Variants in PDS5B observed in about 807,000 individuals in gnomAD.
PDS5B encodes the protein sister chromatid cohesion protein PDS5 homolog B.
In PDS5B, 51 loss-of-function variants were observed where a neutral mutation model predicts 184.1. That is an observed-to-expected ratio of 0.28 (90% CI 0.22 to 0.35). PDS5B has a LOEUF of 0.35. Ranked by LOEUF, PDS5B falls within the 10% of genes least tolerant of loss-of-function variation. PDS5B has a pLI of 1.00. For synonymous variants in PDS5B, 566 were observed against 569.2 expected (o/e 0.99, Z 0.08); for missense variants, 1,180 against 1,723.3 (o/e 0.68, Z 5.58).
At position 32,760,863 on chromosome 13, in the gene PDS5B, AC is replaced by A. The variant is rs1954370656; in HGVS notation, c.3518+144del. The A allele has an allele frequency of 1.9e-5, 15 of 770,722 alleles. No homozygotes were observed. The South Asian group carries it at 2.9e-4, about 15-fold the overall frequency. The allele number at this position is 770,722 out of a possible 1,614,324, so 47.7% of individuals were successfully genotyped here. On this transcript the variant is annotated intron_variant, in intron 30 of 34. Coordinates refer to ENST00000315596, the MANE Select transcript of PDS5B (RefSeq NM_015032.4). ...ATTTTTCCATTTAACATTGGTAGTCACAAGTTCATACTTATTTGCTTGCTCA... is the reference window on the plus strand; with the variant it reads ...ATTTTTCCATTTAACATTGGTAGTCAAAGTTCATACTTATTTGCTTGCTCA...
At position 32,760,579 on chromosome 13, in the gene PDS5B, A is replaced by G. The variant is rs1954353876; in HGVS notation, c.3377A>G (p.Lys1126Arg). ...MKSFFTPGKPKTTNVLGAVNK... is the reference protein window; with the variant it reads ...MKSFFTPGKPRTTNVLGAVNK... ...GATGTGCATTTCTCATTTCAGCCTA[A>G]AACAACCAATGTTCTAGGAGCTGTT... Residue 1126 changes from lysine to arginine, a missense_variant, in exon 30 of 35, where the codon AAA becomes AGA. Transcript: ENST00000315596. The G allele has an allele frequency of 6.2e-7, 1 of 1,613,430 alleles. No individual in the cohort carries two copies. Among genetic ancestry groups the G allele is most frequent in the Non-Finnish European group, 8.5e-7 (1 of 1,179,788 alleles).
At chr13:32,681,582 C>T (rs561838703) in intron 10 of PDS5B, among the ~76,000 whole-genome samples, 32 of 151,358 alleles carry the variant, frequency 2.1e-4, no homozygotes, top group East Asian at 7.8e-4. Flanking sequence ...CGAGAGATCG[C>T]GCCACTGCAC....
intron 31 of PDS5B, among the ~76,000 whole-genome samples, chr13:32,769,266 T>A (rs1022136086): frequency 1.3e-5 from 2 of 152,184 alleles, no homozygotes; most frequent in African/African-American, 2.4e-5. Flanking sequence ...ATACGAAGGA[T>A]GTAATTAGGC....
chr13:32,680,672 C>T (rs1310152844), intron 10 of PDS5B, among the ~76,000 whole-genome samples: 1 of 152,198 alleles, frequency 6.6e-6, no homozygotes, highest in Non-Finnish European at 1.5e-5. Flanking sequence ...ATGGATTTCT[C>T]AAACAGCCTT....
intron 12 of PDS5B, among the ~76,000 whole-genome samples, chr13:32,687,835 G>A (rs145220243): frequency 1.3e-5 from 2 of 152,188 alleles, no homozygotes; most frequent in East Asian, 3.9e-4. Context: ...TAGGTTATTA[G>A]TGGAGACCAA....
chr13:32,690,158 G>A (rs1951508428), intron 13 of PDS5B: 1 of 152,160 alleles, frequency 6.6e-6, no homozygotes, highest in Admixed American at 6.5e-5. Flanking sequence ...TTTGCAAGGG[G>A]TGGGAGTGTG....
intron 1 of PDS5B, among the ~76,000 whole-genome samples, chr13:32,635,312 A>C (rs1377642194): frequency 1.4e-5 from 2 of 140,988 alleles, no homozygotes; most frequent in Non-Finnish European, 3.0e-5. Flanking sequence ...TGCTGGGATT[A>C]CAGGTGTGAG....
At chr13:32,771,256 TC>T (rs763046671) in intron 33 of PDS5B, among the ~76,000 whole-genome samples, 17 of 152,318 alleles carry the variant, frequency 1.1e-4, no homozygotes, top group Non-Finnish European at 2.2e-4. Context: ...GTGTTTGATA[TC>T]TTGATTTTGT....
intron 6 of PDS5B, among the ~76,000 whole-genome samples, chr13:32,660,754 G>A (rs1010382432): frequency 2.0e-5 from 3 of 152,154 alleles, no homozygotes; most frequent in African/African-American, 7.2e-5. Context: ...TGTAGGGAGA[G>A]GACCTGTAGG....
chr13:32,741,105 T>G lies in PDS5B; in HGVS notation c.2432T>G (p.Leu811Arg). 1.3e-6 allele frequency: 2 copies of G among 1,573,416 alleles called. No homozygotes were observed. The highest frequency in any genetic ancestry group is 1.7e-6 in the Non-Finnish European group (2 of 1,147,764). ...DRLPGKKTTKLWVPDEEVSPE... is the reference protein window; with the variant it reads ...DRLPGKKTTKRWVPDEEVSPE... ...CTTCCAGGGAAAAAGACAACTAAAC[T>G]TTGGGTTCCAGATGAAGAAGTATCT... Residue 811 changes from leucine (L) to arginine (R), a missense_variant, in exon 22 of 35, where the codon CTT (leucine) becomes CGT (arginine). Leu to Arg is a moderately radical substitution (Grantham distance 102). Transcript: ENST00000315596.
At chr13:32,625,864 G>T (rs1401061786) in intron 1 of PDS5B, among the ~76,000 whole-genome samples, 3 of 147,756 alleles carry the variant, frequency 2.0e-5, no homozygotes, top group East Asian at 3.9e-4. Context: ...TTGAGACAGG[G>T]TCTCGCTTTG....
At chr13:32,767,710 CTG>C (rs1394257850) in intron 31 of PDS5B, among the ~76,000 whole-genome samples, 1 of 151,946 alleles carries the variant, frequency 6.6e-6, no homozygotes, top group Non-Finnish European at 1.5e-5. Context: ...AATCTCAAAA[CTG>C]GAAGACTTGA....
intron 6 of PDS5B, 151 bp downstream of exon 6, chr13:32,659,431 T>C (rs1043043710): frequency 1.3e-5 from 6 of 462,212 alleles, no homozygotes; most frequent in African/African-American, 1.2e-4. Flanking sequence ...TTGTGATTAA[T>C]GTGTAATAAA....
At chr13:32,640,477 C>T (rs1230875284) in intron 1 of PDS5B, among the ~76,000 whole-genome samples, 3 of 152,116 alleles carry the variant, frequency 2.0e-5, no homozygotes, top group Non-Finnish European at 4.4e-5. Context: ...AAACTCCTGA[C>T]CTCAGGTGAT....
chr13:32,601,260 A>C (rs1451798797), intron 1 of PDS5B, among the ~76,000 whole-genome samples: 1 of 152,206 alleles, frequency 6.6e-6, no homozygotes, highest in Non-Finnish European at 1.5e-5. Context: ...AGATTATTTC[A>C]GTGAGTTTGC....
chr13:32,655,370 ATATATTTTT>A (rs1467783039), intron 3 of PDS5B, among the ~76,000 whole-genome samples: 1 of 26,924 alleles, frequency 3.7e-5, no homozygotes, highest in African/African-American at 1.7e-4. Flanking sequence ...ATATATATAT[ATATATTTTT>A]TTTTTTTTTT....
intron 1 of PDS5B, among the ~76,000 whole-genome samples, chr13:32,596,936 C>T (rs930510572): frequency 6.6e-6 from 1 of 151,826 alleles, no homozygotes; most frequent in Non-Finnish European, 1.5e-5. Context: ...TTGTAGCTTG[C>T]CTTATCTTTT....
intron 1 of PDS5B, among the ~76,000 whole-genome samples, chr13:32,600,928 A>C (rs1265524422): frequency 6.6e-6 from 1 of 152,128 alleles, no homozygotes; most frequent in African/African-American, 2.4e-5. Flanking sequence ...ATCAGCAAAT[A>C]ATTTGAAGGA....
chr13:32,722,427 A>G (rs1199202878), intron 19 of PDS5B, among the ~76,000 whole-genome samples: 1 of 152,174 alleles, frequency 6.6e-6, no homozygotes, highest in Non-Finnish European at 1.5e-5. Flanking sequence ...TTCTATGTTT[A>G]GATATACAGA....
Sources: allele counts gnomAD v4.1 joint callset (sites outside exome capture counted in the v4.1 genomes callset), GRCh38; gene constraint gnomAD v4.1.1; transcripts MANE v1.5; gene names NCBI Gene and HGNC (gene_info 2026-07-23, HGNC 2026-07-21).